Variants in ARID4A observed in about 807,000 individuals in gnomAD.
ARID4A encodes AT-rich interaction domain 4A, also known as AT-rich interactive domain-containing protein 4A.
ARID4A carries 39 observed loss-of-function variants against 148.6 expected under a neutral mutation model. That is an observed-to-expected ratio of 0.26 (90% CI 0.20 to 0.34). ARID4A has a LOEUF of 0.34. Among genes scored for constraint, ARID4A ranks in the 10% least tolerant of loss-of-function variants. ARID4A has a pLI of 1.00. For missense variants in ARID4A, 1,265 were observed against 1,449.1 expected (o/e 0.87, Z 2.06); for synonymous variants, 475 against 481.2 (o/e 0.99, Z 0.17).
intron 11 of ARID4A, among the ~76,000 whole-genome samples, chr14:58,342,964 G>T (rs549109670): frequency 1.3e-5 from 2 of 151,854 alleles, no homozygotes; most frequent in South Asian, 4.2e-4. Flanking sequence ...AGAATATTAC[G>T]ATTACAGGGC....
chr14:58,313,175 A>T (rs1227474956), intron 5 of ARID4A, among the ~76,000 whole-genome samples: 1 of 152,208 alleles, frequency 6.6e-6, no homozygotes, highest in African/African-American at 2.4e-5. Context: ...GAGAACCAAT[A>T]AGATATAGAT....
intron 5 of ARID4A, among the ~76,000 whole-genome samples, chr14:58,309,433 G>C (rs959722803): frequency 6.6e-6 from 1 of 152,186 alleles, no homozygotes; most frequent in Non-Finnish European, 1.5e-5. Flanking sequence ...TAAGGAATCT[G>C]TAATATGTGG....
At position 58,318,537 on chromosome 14, in the gene ARID4A, T is replaced by G. The variant is rs1198131069; in HGVS notation, c.275-5T>G. 6.2e-7 allele frequency: 1 copy of G among 1,613,968 alleles called. No individual in the cohort carries two copies. The highest frequency in any genetic ancestry group is 2.2e-5 in the East Asian group (1 of 44,866). ...AAATTCTCTGTTATCTTTTGCTTAT[T>G]ATAGTGTTTGATGATGGTGATGAGC... On this transcript the variant is annotated splice_region_variant and splice_polypyrimidine_tract_variant and intron_variant, in intron 5 of 23. Transcript: ENST00000355431.
At chr14:58,316,115 C>G (rs1566674797) in intron 5 of ARID4A, among the ~76,000 whole-genome samples, 1 of 152,094 alleles carries the variant, frequency 6.6e-6, no homozygotes, top group Admixed American at 6.5e-5. Flanking sequence ...ATAAAACAAC[C>G]TTTTCAGAAA....
intron 12 of ARID4A, among the ~76,000 whole-genome samples, chr14:58,345,503 T>C (rs1181010126): frequency 2.6e-5 from 4 of 152,122 alleles, no homozygotes; most frequent in African/African-American, 9.7e-5. Context: ...AGATTTCTAA[T>C]ATAGGTAGAA....
At chr14:58,331,998 C>G (rs922058338) in intron 11 of ARID4A, among the ~76,000 whole-genome samples, 2 of 127,644 alleles carry the variant, frequency 1.6e-5, no homozygotes, top group Non-Finnish European at 1.7e-5. Flanking sequence ...TTTCCCTACC[C>G]CCCCCCCCCC....
At chr14:58,344,288 T>C (rs1396942968) in intron 11 of ARID4A, among the ~76,000 whole-genome samples, 1 of 152,172 alleles carries the variant, frequency 6.6e-6, no homozygotes, top group Admixed American at 6.5e-5. Flanking sequence ...ATGAAAATTA[T>C]TTTTATATAT....
At chr14:58,308,313 A>C (rs975807304) in intron 5 of ARID4A, among the ~76,000 whole-genome samples, 1 of 152,262 alleles carries the variant, frequency 6.6e-6, no homozygotes, top group Admixed American at 6.5e-5. Context: ...GCTTGCTTAG[A>C]AAAATGAGGA....
chr14:58,313,886 C>T (rs1015408918), intron 5 of ARID4A, among the ~76,000 whole-genome samples: 3 of 152,188 alleles, frequency 2.0e-5, no homozygotes, highest in South Asian at 2.1e-4. Context: ...TCTGGGCCTC[C>T]GGCCAATTGG....
chr14:58,348,930 G>A (rs908859529), intron 15 of ARID4A, among the ~76,000 whole-genome samples: 4 of 151,810 alleles, frequency 2.6e-5, no homozygotes, highest in Admixed American at 6.6e-5. Context: ...CATTCTCACC[G>A]TTGCATAAGT....
Position 58,347,892 on chromosome 14 carries a change from A to T in ARID4A, c.1404+14A>T, listed in dbSNP as rs2034449398. The T allele has an allele frequency of 6.4e-7, 1 of 1,559,692 alleles. No homozygotes were observed. Among genetic ancestry groups the T allele is most frequent in the South Asian group, 1.1e-5 (1 of 87,132 alleles). ...AAATCTCCGAGGGTGAGTTCTTAAT[A>T]CTAGTTTTATCTGGTTTAAGTATTA... On this transcript the variant is annotated intron_variant, in intron 15 of 23. Coordinates refer to ENST00000355431, the MANE Select transcript of ARID4A (RefSeq NM_002892.4).
chr14:58,306,219 C>T, intron 5 of ARID4A, 107 bp downstream of exon 5: 4 of 830,048 alleles, frequency 4.8e-6, no homozygotes, highest in Admixed American at 4.4e-5. Context: ...ATATTATTTC[C>T]TGTCAGTTTA....
intron 5 of ARID4A, among the ~76,000 whole-genome samples, chr14:58,313,058 C>T (rs751420546): frequency 2.0e-5 from 3 of 152,164 alleles, no homozygotes; most frequent in Non-Finnish European, 4.4e-5. Flanking sequence ...ATTGGCATTA[C>T]TTTGTCTAAT....
Position 58,366,913 on chromosome 14 carries a change from G to A in ARID4A, c.3554G>A (p.Arg1185Lys). The A allele has an allele frequency of 1.3e-6, 2 of 1,514,416 alleles. No homozygotes were observed. Among genetic ancestry groups the A allele is most frequent in the Non-Finnish European group, 1.8e-6 (2 of 1,140,966 alleles). The allele number at this position is 1,514,416 out of a possible 1,614,324, so 93.8% of individuals were successfully genotyped here. The change falls in exon 23 of 24, where the codon AGA becomes AAA. Residue 1185 changes from arginine (R) to lysine (K), a missense_variant. Transcript: ENST00000355431. Reference protein sequence around the residue: ...NELDNMNSTERISFLQEKLQE... With the variant: ...NELDNMNSTEKISFLQEKLQE... ...TTAGATAATATGAACAGTACAGAGAGAATCTCATTTCTCCAAGAAAAACTA... is the reference window on the plus strand; with the variant it reads ...TTAGATAATATGAACAGTACAGAGAAAATCTCATTTCTCCAAGAAAAACTA...
chr14:58,329,369 A>G lies in ARID4A; in HGVS notation c.663-159A>G, dbSNP rs1242728487. On this transcript the variant is annotated intron_variant, in intron 9 of 23. Coordinates refer to ENST00000355431, the MANE Select transcript of ARID4A (RefSeq NM_002892.4). ...AATTAAGATAACTAACTTTGCCCGT[A>G]TTTCCTCTTCTTACCTTTTGTTAAG... is the stretch of plus-strand genomic sequence containing the variant. 3.3e-5 allele frequency among the ~76,000 whole-genome samples: 5 copies of G among 152,166 alleles called. No homozygotes were observed. In the East Asian group the frequency reaches 9.6e-4, roughly 29 times the overall value.
At chr14:58,359,432 C>T (rs2035035525) in intron 18 of ARID4A, among the ~76,000 whole-genome samples, 2 of 152,050 alleles carry the variant, frequency 1.3e-5, no homozygotes, top group African/African-American at 2.4e-5. Flanking sequence ...ACTGATGTGC[C>T]TACATTGACA....
intron 3 of ARID4A, 83 bp from the exon 4 acceptor site, chr14:58,304,861 T>C (rs572886079): frequency 2.6e-5 from 30 of 1,165,928 alleles, no homozygotes; most frequent in Non-Finnish European, 3.3e-5. Context: ...AAGCATAAAT[T>C]AAAGACATTA....
chr14:58,300,157 C>G (rs576626633), intron 2 of ARID4A, among the ~76,000 whole-genome samples: 1 of 152,214 alleles, frequency 6.6e-6, no homozygotes, highest in East Asian at 1.9e-4. Context: ...AGAAGTAAAG[C>G]TTTTGTCCTG....
At chr14:58,310,861 A>G (rs529426871) in intron 5 of ARID4A, among the ~76,000 whole-genome samples, 2 of 152,142 alleles carry the variant, frequency 1.3e-5, no homozygotes, top group East Asian at 3.9e-4. Context: ...TGGAAAAAAT[A>G]TTTGCAAACT....
Sources: gnomAD v4.1 joint callset for allele counts (sites outside exome capture counted in the v4.1 genomes callset) on GRCh38, gnomAD v4.1.1 for gene constraint, MANE v1.5 for transcripts, NCBI Gene and HGNC (gene_info 2026-07-23, HGNC 2026-07-21) for gene names.